Variants in TSNARE1 observed in about 807,000 individuals in gnomAD.
The protein encoded by TSNARE1 is t-SNARE domain containing 1, also known as t-SNARE domain-containing protein 1.
TSNARE1 carries 49 observed loss-of-function variants against 62.0 expected under a neutral mutation model. That is an observed-to-expected ratio of 0.79 (90% CI 0.63 to 1.00). The LOEUF is 1.00. Ranked by LOEUF, TSNARE1 falls within the 50% of genes least tolerant of loss-of-function variation. TSNARE1 has a pLI of 0.00. For missense variants in TSNARE1, 755 were observed against 700.1 expected (o/e 1.08, Z -0.88); for synonymous variants, 328 against 294.4 (o/e 1.11, Z -1.17).
At chr8:142,280,464 T>C in intron 11 of TSNARE1, 1 of 351,552 alleles carries the variant, frequency 2.8e-6, no homozygotes, top group Non-Finnish European at 4.0e-6. Context: ...GCAGCCTACA[T>C]CCACTATACA....
intron 13 of TSNARE1, among the ~76,000 whole-genome samples, chr8:142,213,496 A>G (rs945333844): frequency 6.6e-6 from 1 of 151,992 alleles, no homozygotes; most frequent in Admixed American, 6.5e-5. Flanking sequence ...AAAACAAAAA[A>G]CTGAAAACCC....
intron 11 of TSNARE1, among the ~76,000 whole-genome samples, chr8:142,283,189 T>TG (rs1379634291): frequency 2.1e-5 from 2 of 97,492 alleles, no homozygotes; most frequent in Non-Finnish European, 4.1e-5. Flanking sequence ...TGAGCGGAGG[T>TG]GGGGCCACTG....
At chr8:142,269,920 C>T in intron 12 of TSNARE1, 1 of 985,454 alleles carries the variant, frequency 1.0e-6, no homozygotes. Flanking sequence ...GGGGAAAACG[C>T]AAAACGAGGA....
At chr8:142,333,157 G>A (rs1282481564) in intron 4 of TSNARE1, among the ~76,000 whole-genome samples, 1 of 152,212 alleles carries the variant, frequency 6.6e-6, no homozygotes, top group East Asian at 1.9e-4. Context: ...ACAGAGCTGT[G>A]GGTTACACAT....
chr8:142,369,214 A>G (rs1587046014), intron 1 of TSNARE1, among the ~76,000 whole-genome samples: 1 of 152,152 alleles, frequency 6.6e-6, no homozygotes, highest in East Asian at 1.9e-4. Flanking sequence ...GTAGGGCAGG[A>G]ACACCCACCC....
chr8:142,300,783 G>C, intron 9 of TSNARE1, 139 bp from the exon 10 acceptor site: 3 of 1,092,546 alleles, frequency 2.7e-6, no homozygotes, highest in Non-Finnish European at 3.8e-6. Flanking sequence ...GGTCTGAGGC[G>C]GGGGCCTTCT....
intron 13 of TSNARE1, among the ~76,000 whole-genome samples, chr8:142,223,614 A>C (rs75625089): frequency 1.6e-3 from 3 of 1,924 alleles, no homozygotes; most frequent in Non-Finnish European, 4.1e-3. Flanking sequence ...TCATTTATCC[A>C]CTCACTCACT....
At chr8:142,354,551 C>T (rs1400189996) in intron 2 of TSNARE1, 86 bp downstream of exon 2, 2 of 939,880 alleles carry the variant, frequency 2.1e-6, no homozygotes, top group East Asian at 2.6e-5. Flanking sequence ...AACTGGTTTC[C>T]AGCCATCAGC....
chr8:142,317,853 G>C (rs1164517076), intron 7 of TSNARE1, among the ~76,000 whole-genome samples: 1 of 152,190 alleles, frequency 6.6e-6, no homozygotes. Context: ...AGGTACTCAG[G>C]AGGCTGAGGC....
intron 12 of TSNARE1, among the ~76,000 whole-genome samples, chr8:142,257,835 C>T (rs569013179): frequency 2.0e-5 from 3 of 152,272 alleles, no homozygotes; most frequent in Admixed American, 1.3e-4. Context: ...CCCTTTCTGC[C>T]CACTCTGCTG....
At chr8:142,280,755 G>A (rs1464081053) in intron 11 of TSNARE1, among the ~76,000 whole-genome samples, 4 of 152,188 alleles carry the variant, frequency 2.6e-5, no homozygotes, top group Non-Finnish European at 5.9e-5. Context: ...GCCAGGGGCA[G>A]AAATGGCTAC....
chr8:142,333,958 T>C (rs1831411485), intron 4 of TSNARE1, among the ~76,000 whole-genome samples: 1 of 147,490 alleles, frequency 6.8e-6, no homozygotes, highest in Non-Finnish European at 1.5e-5. Flanking sequence ...GTTGCATTAG[T>C]AGAACAACGA....
intron 1 of TSNARE1, among the ~76,000 whole-genome samples, chr8:142,376,106 C>T (rs1587071897): frequency 6.6e-6 from 1 of 152,342 alleles, no homozygotes; most frequent in Admixed American, 6.5e-5. Context: ...CCCTGACCTG[C>T]GTGCAACCTT....
In TSNARE1 at chr8:142,229,504, C is replaced by CGAT. The variant is rs752320574; in HGVS notation, c.1519_1521dup (p.Ile507dup). The CGAT allele has an allele frequency of 1.3e-5, 21 of 1,613,154 alleles. No homozygotes were observed. In the East Asian group the frequency reaches 2.2e-4, roughly 17 times the overall value. On this transcript the variant is annotated inframe_insertion, in exon 13 of 14. Transcript: ENST00000524325. ...TAGCATCACTTTCGGACAGAGGTGG[C>CGAT]GATGATGATGATGATGACAAGCAGG... is the stretch of plus-strand genomic sequence containing the variant.
intron 6 of TSNARE1, among the ~76,000 whole-genome samples, 184 bp from the exon 7 acceptor site, chr8:142,318,818 AAG>A (rs1563904253): frequency 1.3e-5 from 2 of 151,956 alleles, no homozygotes; most frequent in African/African-American, 4.8e-5. Flanking sequence ...AGAGGAAAAC[AAG>A]AGTAGGGAAA....
chr8:142,246,881 G>A (rs1017640757), intron 12 of TSNARE1, among the ~76,000 whole-genome samples: 1 of 152,258 alleles, frequency 6.6e-6, no homozygotes, highest in African/African-American at 2.4e-5. Flanking sequence ...GAGAATGTGC[G>A]AGGCAGCGAT....
intron 9 of TSNARE1, among the ~76,000 whole-genome samples, chr8:142,304,347 C>T (rs1255341843): frequency 2.6e-5 from 4 of 152,226 alleles, no homozygotes; most frequent in Non-Finnish European, 4.4e-5. Flanking sequence ...GGCTCAGGTT[C>T]CGGCCCAGCA....
intron 13 of TSNARE1, among the ~76,000 whole-genome samples, chr8:142,223,433 CACTCACTA>C (rs1191507440): frequency 1.4e-5 from 2 of 140,556 alleles, no homozygotes; most frequent in African/African-American, 2.7e-5. Context: ...CTCATTCACT[CACTCACTA>C]ATTCACTCAT....
At chr8:142,233,350 G>A (rs35358956) in intron 12 of TSNARE1, among the ~76,000 whole-genome samples, 26,077 of 152,132 alleles carry the variant, frequency 0.17, 2,496 homozygotes, top group African/African-American at 0.25. Flanking sequence ...GGTCAAGGCC[G>A]AGAAGCCCAC....
Sources: gnomAD v4.1 joint callset for allele counts (sites outside exome capture counted in the v4.1 genomes callset) on GRCh38, gnomAD v4.1.1 for gene constraint, MANE v1.5 for transcripts, NCBI Gene and HGNC (gene_info 2026-07-23, HGNC 2026-07-21) for gene names.